The following IQCJ variants were observed in gnomAD, a reference collection of about 807,000 sequenced individuals.
The protein encoded by IQCJ is IQ domain-containing protein J.
Under a neutral mutation model 11.0 loss-of-function variants are expected in IQCJ, and 9 were observed. The observed-to-expected ratio is 0.82, with a 90% CI of 0.49 to 1.43. The LOEUF (loss-of-function observed/expected upper bound fraction) is 1.43, where lower values mean the gene tolerates loss of function less well. Among genes scored for constraint, IQCJ ranks in the 40% most tolerant of loss-of-function variants. The probability of loss-of-function intolerance (pLI) is 0.00; values close to 1 mark genes in which losing one functional copy is unlikely to be tolerated. For synonymous variants in IQCJ, 55 were observed against 51.3 expected, an observed-to-expected ratio of 1.07 and a Z score of -0.31; for missense variants, 146 against 133.2, an observed-to-expected ratio of 1.10 and a Z score of -0.47.
chr3:159,223,570 G>A (rs930868089), intron 1 of IQCJ, among the ~76,000 whole-genome samples: 1 of 152,014 alleles, frequency 6.6e-6, no homozygotes, highest in Non-Finnish European at 1.5e-5. Flanking sequence ...TTAAAAAAAG[G>A]CTTAGTTAAA....
intron 1 of IQCJ, among the ~76,000 whole-genome samples, chr3:159,139,754 A>G (rs1436346792): frequency 6.6e-6 from 1 of 152,190 alleles, no homozygotes; most frequent in Non-Finnish European, 1.5e-5. Context: ...GCACCGGGCA[A>G]GGAGGTGGGC....
chr3:159,115,237 C>T (rs1025930715), intron 1 of IQCJ, among the ~76,000 whole-genome samples: 17 of 152,242 alleles, frequency 1.1e-4, no homozygotes, highest in African/African-American at 3.9e-4. Flanking sequence ...CAGGCTTCCT[C>T]TCTTCCATGG....
intron 1 of IQCJ, among the ~76,000 whole-genome samples, chr3:159,211,743 G>T (rs963424735): frequency 6.6e-6 from 1 of 152,134 alleles, no homozygotes; most frequent in African/African-American, 2.4e-5. Flanking sequence ...TAGAAGAAAA[G>T]CACTGGTGTG....
At chr3:159,209,922 A>G (rs145423077) in intron 1 of IQCJ, among the ~76,000 whole-genome samples, 7 of 152,312 alleles carry the variant, frequency 4.6e-5, no homozygotes, top group African/African-American at 7.2e-5. Flanking sequence ...AGTAGTTTAT[A>G]TTGTATTTTA....
At chr3:159,243,453 T>G (rs1727055793) in intron 1 of IQCJ, among the ~76,000 whole-genome samples, 2 of 152,206 alleles carry the variant, frequency 1.3e-5, no homozygotes, top group South Asian at 4.1e-4. Flanking sequence ...AATGAGCTAT[T>G]GATACATGCA....
intron 1 of IQCJ, among the ~76,000 whole-genome samples, chr3:159,133,196 G>A (rs1228288947): frequency 2.0e-5 from 3 of 152,170 alleles, no homozygotes. Flanking sequence ...GGTTCTCAGG[G>A]AAAACCAGAA....
intron 1 of IQCJ, among the ~76,000 whole-genome samples, chr3:159,139,363 T>A (rs1049475018): frequency 2.0e-5 from 3 of 152,182 alleles, no homozygotes; most frequent in Non-Finnish European, 4.4e-5. Context: ...TGTGACAGCA[T>A]ATTGTTAGCC....
At chr3:159,196,410 G>A (rs1271057527) in intron 1 of IQCJ, among the ~76,000 whole-genome samples, 1 of 152,146 alleles carries the variant, frequency 6.6e-6, no homozygotes, top group African/African-American at 2.4e-5. Context: ...GTATCTGTTA[G>A]AATTGCCTGG....
At chr3:159,120,585 T>C (rs1719310571) in intron 1 of IQCJ, among the ~76,000 whole-genome samples, 1 of 152,192 alleles carries the variant, frequency 6.6e-6, no homozygotes, top group Non-Finnish European at 1.5e-5. Flanking sequence ...GGTGAACATA[T>C]AGCATCCTTT....
At chr3:159,102,915 C>T (rs1407254545) in intron 1 of IQCJ, among the ~76,000 whole-genome samples, 3 of 152,146 alleles carry the variant, frequency 2.0e-5, no homozygotes, top group South Asian at 2.1e-4. Context: ...TATGATCATC[C>T]TGTATTGATC....
chr3:159,109,494 A>G (rs943378247), intron 1 of IQCJ, among the ~76,000 whole-genome samples: 7 of 146,634 alleles, frequency 4.8e-5, no homozygotes, highest in Admixed American at 3.7e-4. Context: ...AAGAAAGCAC[A>G]TAAGGCTGTA....
chr3:159,146,404 G>T (rs892174485), intron 1 of IQCJ, among the ~76,000 whole-genome samples: 1 of 152,156 alleles, frequency 6.6e-6, no homozygotes, highest in Non-Finnish European at 1.5e-5. Flanking sequence ...GGCCTTTCTT[G>T]CCTCCTGTGC....
intron 1 of IQCJ, among the ~76,000 whole-genome samples, chr3:159,234,526 C>T (rs1449022): frequency 6.6e-6 from 1 of 151,986 alleles, no homozygotes; most frequent in Non-Finnish European, 1.5e-5. Flanking sequence ...GAGATGGGCC[C>T]GGCACGGTGA....
chr3:159,249,075 C>T (rs533656266), intron 2 of IQCJ, among the ~76,000 whole-genome samples: 3 of 152,148 alleles, frequency 2.0e-5, no homozygotes, highest in Admixed American at 1.3e-4. Context: ...AGGCTGGTCT[C>T]GAACTCCTGA....
chr3:159,229,255 A>G (rs1348640889), intron 1 of IQCJ, among the ~76,000 whole-genome samples: 6 of 150,762 alleles, frequency 4.0e-5, no homozygotes. Flanking sequence ...ATAAGGAGCA[A>G]CTCCCCAGCG....
intron 1 of IQCJ, among the ~76,000 whole-genome samples, chr3:159,143,364 A>T (rs79355703): frequency 6.6e-6 from 1 of 152,184 alleles, no homozygotes; most frequent in East Asian, 1.9e-4. Flanking sequence ...GAACCTCTCA[A>T]TAGTTCCTTA....
chr3:159,113,382 T>A (rs983817905), intron 1 of IQCJ, among the ~76,000 whole-genome samples: 2 of 152,212 alleles, frequency 1.3e-5, no homozygotes, highest in African/African-American at 4.8e-5. Flanking sequence ...TTTCTTTTGC[T>A]CAGCGTAGAC....
At chr3:159,189,749 C>T (rs1390252446) in intron 1 of IQCJ, among the ~76,000 whole-genome samples, 1 of 152,200 alleles carries the variant, frequency 6.6e-6, no homozygotes, top group Non-Finnish European at 1.5e-5. Context: ...CGTCACTAGT[C>T]GTTCCCCTTC....
At chr3:159,221,586 C>T (rs1725548364) in intron 1 of IQCJ, among the ~76,000 whole-genome samples, 1 of 152,096 alleles carries the variant, frequency 6.6e-6, no homozygotes, top group Non-Finnish European at 1.5e-5. Context: ...TTCTGCTCAG[C>T]ATCTCAGAGA....
Sources: gnomAD v4.1 joint callset for allele counts (sites outside exome capture counted in the v4.1 genomes callset) on GRCh38, gnomAD v4.1.1 for gene constraint, MANE v1.5 for transcripts, NCBI Gene and HGNC (gene_info 2026-07-23, HGNC 2026-07-21) for gene names.